COL23A1: variants seen among roughly 807,000 people sequenced by gnomAD.
COL23A1 encodes collagen type XXIII alpha 1 chain.
In COL23A1, 97 loss-of-function variants were observed where a neutral mutation model predicts 99.3. The ratio of observed to expected loss-of-function variants is 0.98; its 90% CI spans 0.83 to 1.16. COL23A1 has a LOEUF of 1.16. COL23A1 is among the 50% of genes most tolerant of loss of function. The pLI, the probability that COL23A1 is intolerant of heterozygous loss-of-function variation, is 0.00. For synonymous variants in COL23A1, 320 were observed against 308.2 expected, an observed-to-expected ratio of 1.04 and a Z score of -0.40; for missense variants, 762 against 757.4, an observed-to-expected ratio of 1.01 and a Z score of -0.07.
chr5:178,276,077 T>A (rs1756569739), intron 5 of COL23A1, among the ~76,000 whole-genome samples: 1 of 152,154 alleles, frequency 6.6e-6, no homozygotes, highest in Non-Finnish European at 1.5e-5. Context: ...GAGGGGAGGT[T>A]TCCTGGTGAA....
chr5:178,271,688 C>T (rs142265275), intron 5 of COL23A1, among the ~76,000 whole-genome samples: 184 of 152,316 alleles, frequency 1.2e-3, no homozygotes, highest in African/African-American at 4.2e-3. Context: ...TGCAAATGCA[C>T]GCACTGCACA....
intron 2 of COL23A1, among the ~76,000 whole-genome samples, chr5:178,319,603 G>A (rs116581884): frequency 1.1e-4 from 16 of 152,152 alleles, no homozygotes; most frequent in African/African-American, 3.9e-4. Flanking sequence ...TGCGCCGTCC[G>A]CTCCCAGCCG....
intron 6 of COL23A1, among the ~76,000 whole-genome samples, chr5:178,269,806 T>G (rs566653157): frequency 6.6e-6 from 1 of 151,400 alleles, no homozygotes; most frequent in African/African-American, 2.4e-5. Context: ...CATCCATCCA[T>G]CCATCCATCC....
At chr5:178,442,506 C>T (rs557062070) in intron 2 of COL23A1, among the ~76,000 whole-genome samples, 2 of 152,276 alleles carry the variant, frequency 1.3e-5, no homozygotes, top group South Asian at 2.1e-4. Flanking sequence ...ATGATAGGCC[C>T]GAGCGTCTCC....
At chr5:178,364,878 T>C (rs962066823) in intron 2 of COL23A1, among the ~76,000 whole-genome samples, 3 of 152,206 alleles carry the variant, frequency 2.0e-5, no homozygotes, top group Non-Finnish European at 2.9e-5. Flanking sequence ...GCAGGGAGCC[T>C]GCCCAGGCCC....
At chr5:178,441,920 C>T (rs923728704) in intron 2 of COL23A1, among the ~76,000 whole-genome samples, 6 of 152,208 alleles carry the variant, frequency 3.9e-5, no homozygotes, top group Middle Eastern at 3.4e-3. Context: ...TGGAAGAAAC[C>T]GTGTACTTCA....
Position 178,384,866 on chromosome 5 carries a change from G to C in COL23A1, c.362-77947C>G, listed in dbSNP as rs1763585568. ...TTAAAAGGTCCGTAACAGAAAAGCG[G>C]GAAATAGCCTGCAAGGAGGAAGAGC... On this transcript the variant is annotated intron_variant, in intron 2 of 28. Coordinates refer to ENST00000390654, the MANE Select transcript of COL23A1 (RefSeq NM_173465.4). This position sits in a 1 kb window ranked among gnomAD's most constrained non-coding sequence, Gnocchi z 5.5. Among the ~76,000 whole-genome samples, 1 of 152,304 alleles carries C rather than the reference G, an allele frequency of 6.6e-6. No individual in the cohort carries two copies. Among genetic ancestry groups the C allele is most frequent in the South Asian group, 2.1e-4 (1 of 4,828 alleles).
intron 12 of COL23A1, among the ~76,000 whole-genome samples, chr5:178,257,967 A>G (rs983770601): frequency 3.9e-5 from 6 of 152,218 alleles, no homozygotes; most frequent in African/African-American, 1.4e-4. Context: ...TGGTAGGTCA[A>G]GGCGGGAAGA....
chr5:178,299,718 GTTTCT>G (rs1757928522), intron 3 of COL23A1, among the ~76,000 whole-genome samples: 2 of 150,898 alleles, frequency 1.3e-5, no homozygotes, highest in East Asian at 1.9e-4. Context: ...TATTTTTCTA[GTTTCT>G]TTTATTTTTT....
At chr5:178,240,081 T>A (rs1297000723) in intron 27 of COL23A1, among the ~76,000 whole-genome samples, 1 of 152,034 alleles carries the variant, frequency 6.6e-6, no homozygotes, top group Non-Finnish European at 1.5e-5. Context: ...GGGTTGGGGC[T>A]GGGCCTGGGG....
intron 2 of COL23A1, among the ~76,000 whole-genome samples, chr5:178,537,080 C>G (rs1761007851): frequency 6.6e-6 from 1 of 152,236 alleles, no homozygotes; most frequent in Admixed American, 6.5e-5. Flanking sequence ...AGACTCCTCA[C>G]ACCTCTGAGC....
chr5:178,457,649 C>G (rs1298086523), intron 2 of COL23A1, among the ~76,000 whole-genome samples: 1 of 152,122 alleles, frequency 6.6e-6, no homozygotes, highest in Non-Finnish European at 1.5e-5. Context: ...AGTGCCCAAA[C>G]AAAACCAAAA....
chr5:178,534,162 G>A (rs1760805130), intron 2 of COL23A1, among the ~76,000 whole-genome samples: 1 of 152,162 alleles, frequency 6.6e-6, no homozygotes, highest in Non-Finnish European at 1.5e-5. Flanking sequence ...AGTTCTGGAG[G>A]CTGGGAAGTC....
chr5:178,264,678 A>C (rs1765814250), intron 8 of COL23A1, among the ~76,000 whole-genome samples: 1 of 152,164 alleles, frequency 6.6e-6, no homozygotes, highest in Non-Finnish European at 1.5e-5. Flanking sequence ...TTTTTGAGAC[A>C]GAGTCTTTTG....
At chr5:178,283,081 T>TC (rs921530470) in intron 5 of COL23A1, among the ~76,000 whole-genome samples, 1 of 152,146 alleles carries the variant, frequency 6.6e-6, no homozygotes, top group African/African-American at 2.4e-5. Flanking sequence ...AGACAGGGTT[T>TC]CACCGTATTG....
chr5:178,270,340 C>G lies in COL23A1; in HGVS notation c.465G>C (p.Lys155Asn), dbSNP rs1420330052. 1.5e-5 allele frequency: 25 copies of G among 1,613,846 alleles called. No homozygotes were observed. Among genetic ancestry groups the G allele is most frequent in the Non-Finnish European group, 1.9e-5 (23 of 1,179,994 alleles). The change falls in exon 6 of 29, where the codon AAG (lysine) becomes AAC (asparagine). Residue 155 changes from lysine to asparagine, a missense_variant. Physicochemically the swap from Lys to Asn is moderately conservative, Grantham distance 94 (BLOSUM62 0). Coordinates refer to ENST00000390654, the MANE Select transcript of COL23A1 (RefSeq NM_173465.4). ...GYPGPLGLDG[K>N]PGLPGPKGEK... ...GAATTGCCCTGTCATCACTTACGGG[C>G]TTGCCATCCAAACCCAGGGGTCCCT... is the stretch of plus-strand genomic sequence containing the variant.
intron 2 of COL23A1, among the ~76,000 whole-genome samples, chr5:178,549,605 C>A (rs1450734725): frequency 6.6e-6 from 1 of 152,020 alleles, no homozygotes; most frequent in Non-Finnish European, 1.5e-5. Flanking sequence ...CACCTGAGGT[C>A]AGGAGTTTGA....
chr5:178,575,298 C>G (rs768021189), intron 1 of COL23A1, among the ~76,000 whole-genome samples: 3 of 152,162 alleles, frequency 2.0e-5, no homozygotes, highest in Non-Finnish European at 4.4e-5. Context: ...AATAATACAA[C>G]CCTTCCTAAG....
intron 25 of COL23A1, among the ~76,000 whole-genome samples, chr5:178,244,871 C>T (rs1192673434): frequency 6.6e-6 from 1 of 152,236 alleles, no homozygotes; most frequent in African/African-American, 2.4e-5. Flanking sequence ...TATCTGTCAC[C>T]AGGATATTGC....
Sources: allele counts gnomAD v4.1 joint callset (sites outside exome capture counted in the v4.1 genomes callset), GRCh38; gene constraint gnomAD v4.1.1; non-coding constraint Gnocchi (gnomAD v3.1); transcripts MANE v1.5; gene names NCBI Gene and HGNC (gene_info 2026-07-23, HGNC 2026-07-21).